MTO1: variants seen among roughly 807,000 people sequenced by gnomAD.
MTO1 encodes the protein mitochondrial tRNA translation optimization 1.
Under a neutral mutation model 71.6 loss-of-function variants are expected in MTO1, and 46 were observed. The ratio of observed to expected loss-of-function variants is 0.64; its 90% CI spans 0.51 to 0.82. The LOEUF is 0.82. Ranked by LOEUF, MTO1 falls within the 40% of genes least tolerant of loss-of-function variation. The probability of loss-of-function intolerance (pLI) is 0.00; values close to 1 mark genes in which losing one functional copy is unlikely to be tolerated. For missense variants in MTO1, 773 were observed against 867.5 expected, an observed-to-expected ratio of 0.89 and a Z score of 1.37; for synonymous variants, 297 against 312.1, an observed-to-expected ratio of 0.95 and a Z score of 0.51.
chr6:73,476,801 T>G (rs1771337180), intron 4 of MTO1, among the ~76,000 whole-genome samples: 2 of 151,832 alleles, frequency 1.3e-5, no homozygotes, highest in African/African-American at 4.8e-5. Context: ...TTTTTTTTTT[T>G]TTTTTGAGAC....
intron 9 of MTO1, among the ~76,000 whole-genome samples, chr6:73,490,961 C>T (rs1016544046): frequency 5.9e-5 from 9 of 152,284 alleles, no homozygotes; most frequent in African/African-American, 1.7e-4. Context: ...AGGCTAAACA[C>T]AGCTGAAGTT....
chr6:73,493,141 T>C (rs1312005165), intron 10 of MTO1, among the ~76,000 whole-genome samples: 5 of 150,140 alleles, frequency 3.3e-5, no homozygotes, highest in Non-Finnish European at 7.4e-5. Flanking sequence ...ATTACAGGCA[T>C]GCACCACCAC....
At chr6:73,476,215 A>T (rs1014887976) in intron 4 of MTO1, among the ~76,000 whole-genome samples, 5 of 151,522 alleles carry the variant, frequency 3.3e-5, no homozygotes, top group African/African-American at 9.7e-5. Flanking sequence ...ATAAAAAAAA[A>T]ATAAAAAAAT....
chr6:73,493,381 TG>T, intron 10 of MTO1, among the ~76,000 whole-genome samples: 1 of 151,136 alleles, frequency 6.6e-6, no homozygotes, highest in African/African-American at 2.4e-5. Flanking sequence ...TGTGTGTGTG[TG>T]TGTGTGTTTT....
intron 9 of MTO1, among the ~76,000 whole-genome samples, chr6:73,488,245 C>T (rs139067917): frequency 2.6e-5 from 4 of 152,050 alleles, no homozygotes; most frequent in Non-Finnish European, 4.4e-5. Flanking sequence ...ACAATCATAG[C>T]TCACTGCAGC....
chr6:73,470,842 A>G (rs1180117169), intron 3 of MTO1, among the ~76,000 whole-genome samples: 4 of 152,128 alleles, frequency 2.6e-5, no homozygotes, highest in African/African-American at 4.8e-5. Context: ...AGTCCCAGCT[A>G]CTCAGGAGGC....
intron 10 of MTO1, among the ~76,000 whole-genome samples, chr6:73,495,317 G>A (rs1172676298): frequency 6.6e-6 from 1 of 152,220 alleles, no homozygotes; most frequent in Non-Finnish European, 1.5e-5. Flanking sequence ...TTTCTCTATT[G>A]AGTAAAAATT....
At chr6:73,489,842 C>A (rs2150041200) in intron 9 of MTO1, among the ~76,000 whole-genome samples, 1 of 152,266 alleles carries the variant, frequency 6.6e-6, no homozygotes, top group South Asian at 2.1e-4. Flanking sequence ...ATTTCTAGTT[C>A]TAGATCCTTA....
chr6:73,498,951 TCTC>T (rs998725656), intron 11 of MTO1, among the ~76,000 whole-genome samples: 67 of 152,134 alleles, frequency 4.4e-4, no homozygotes, highest in Admixed American at 5.2e-4. Flanking sequence ...ATGGTCTCGA[TCTC>T]CTGACCTCAT....
At chr6:73,478,030 C>CGCCTG (rs1308517288) in intron 4 of MTO1, among the ~76,000 whole-genome samples, 1 of 151,756 alleles carries the variant, frequency 6.6e-6, no homozygotes. Flanking sequence ...GCAGGTGGAT[C>CGCCTG]ACAAGGTCAA....
At chr6:73,463,097 C>T (rs2150025303) in intron 1 of MTO1, among the ~76,000 whole-genome samples, 1 of 151,416 alleles carries the variant, frequency 6.6e-6, no homozygotes, top group East Asian at 1.9e-4. Context: ...CATCTCGGCT[C>T]ACTGCAAGCT....
chr6:73,480,468 C>T (rs1771456373), intron 6 of MTO1: 1 of 603,802 alleles, frequency 1.7e-6, no homozygotes, highest in East Asian at 3.2e-5. Context: ...CAGGGTTTCT[C>T]CCTGTTGGTC....
intron 6 of MTO1, chr6:73,480,435 T>C: frequency 1.7e-6 from 1 of 596,394 alleles, no homozygotes; most frequent in South Asian, 1.7e-5. Flanking sequence ...CATGCCCGGC[T>C]AATTTTGTAT....
chr6:73,508,253 T>C lies in MTO1; in HGVS notation c.*7518T>C, dbSNP rs1772339748. 1 of 152,306 alleles carries C rather than the reference T, an allele frequency of 6.6e-6. No individual in the cohort carries two copies. The highest frequency in any genetic ancestry group is 2.4e-5 in the African/African-American group (1 of 41,586). 9.4% of individuals were successfully genotyped at this position (152,306 alleles called of 1,614,324 possible). The stretch of plus-strand genomic sequence containing the variant: ...CTCCTATATCTGAAGACAATAATAA[T>C]TTCTTAGAATTTGCTAGGCTAAACA... On this transcript the variant is annotated 3_prime_UTR_variant, in exon 12 of 12. Coordinates refer to ENST00000498286, the MANE Select transcript of MTO1 (RefSeq NM_012123.4).
chr6:73,485,046 CAAAAA>C (rs56004560), intron 9 of MTO1, among the ~76,000 whole-genome samples: 2 of 105,026 alleles, frequency 1.9e-5, no homozygotes, highest in African/African-American at 3.7e-5. Context: ...GTCTCTGTAT[CAAAAA>C]AAAAAAAAAA....
At chr6:73,471,664 T>A (rs1035483759) in intron 3 of MTO1, 5 of 196,280 alleles carry the variant, frequency 2.5e-5, no homozygotes, top group Non-Finnish European at 4.3e-5. Flanking sequence ...GTGATCTTCC[T>A]GCCCCAGTCT....
In MTO1 at chr6:73,466,325, A is replaced by G; in HGVS notation, c.334A>G (p.Lys112Glu). The G allele has an allele frequency of 6.2e-7, 1 of 1,614,178 alleles. No individual in the cohort carries two copies. Among genetic ancestry groups the G allele is most frequent in the East Asian group, 2.2e-5 (1 of 44,882 alleles). ...RICDQSGVHY[K>E]VLNRRKGPAV... ...CTGTGACCAGTCTGGTGTACATTAT[A>G]AAGTATTAAACCGGCGTAAGGGACC... Residue 112 changes from lysine to glutamate, a missense_variant, in exon 2 of 12, where the codon AAA becomes GAA. Transcript: ENST00000498286.
chr6:73,482,411 C>T, intron 8 of MTO1, 38 bp from the exon 9 acceptor site: 1 of 1,591,016 alleles, frequency 6.3e-7, no homozygotes, highest in Non-Finnish European at 8.6e-7. Context: ...GCTTTAAAAA[C>T]CACACTTCTC....
chr6:73,473,501 A>C lies in MTO1; in HGVS notation c.672A>C (p.Thr224=). Residue 224 remains threonine (T), a synonymous_variant, in exon 4 of 12, where the codon ACA becomes ACC. Coordinates refer to ENST00000498286, the MANE Select transcript of MTO1 (RefSeq NM_012123.4). Reference sequence around the variant, plus strand: ...AGCCTTCTATAGGATTGGCTCAGACACTGGAGAAGTTAGGGTTTGTGGTGG... The same window carrying C: ...AGCCTTCTATAGGATTGGCTCAGACCCTGGAGAAGTTAGGGTTTGTGGTGG... ...GDQPSIGLAQ[T]LEKLGFVVGR... is the part of the protein sequence containing the mutation. 1 of 1,614,124 alleles carries C rather than the reference A, an allele frequency of 6.2e-7. No individual in the cohort carries two copies. Among genetic ancestry groups the C allele is most frequent in the Non-Finnish European group, 8.5e-7 (1 of 1,180,028 alleles).
Sources: gnomAD v4.1 joint callset for allele counts (sites outside exome capture counted in the v4.1 genomes callset) on GRCh38, gnomAD v4.1.1 for gene constraint, MANE v1.5 for transcripts, NCBI Gene and HGNC (gene_info 2026-07-23, HGNC 2026-07-21) for gene names.